Variants in OSBPL2 observed in about 807,000 individuals in gnomAD.
OSBPL2 encodes oxysterol binding protein like 2.
Under a neutral mutation model 58.4 loss-of-function variants are expected in OSBPL2, and 18 were observed. The observed-to-expected ratio is 0.31, with a 90% confidence interval of 0.21 to 0.46. OSBPL2 has a LOEUF of 0.46. Ranked by LOEUF, OSBPL2 falls within the 20% of genes least tolerant of loss-of-function variation. The probability of loss-of-function intolerance (pLI) is 1.00; values close to 1 mark genes in which losing one functional copy is unlikely to be tolerated. For missense variants in OSBPL2, 461 were observed against 616.5 expected, an observed-to-expected ratio of 0.75 and a Z score of 2.67; for synonymous variants, 221 against 234.1, an observed-to-expected ratio of 0.94 and a Z score of 0.51.
At chr20:62,243,436 A>T (rs547339201) in intron 1 of OSBPL2, among the ~76,000 whole-genome samples, 76 of 133,992 alleles carry the variant, frequency 5.7e-4, no homozygotes, top group Non-Finnish European at 1.0e-3. Flanking sequence ...CCTGCCCCGC[A>T]GCCCCTGCCC....
At chr20:62,276,763 G>A (rs1036754305) in intron 6 of OSBPL2, among the ~76,000 whole-genome samples, 5 of 152,164 alleles carry the variant, frequency 3.3e-5, no homozygotes, top group African/African-American at 1.2e-4. Flanking sequence ...GGAAAGACTG[G>A]CCACGAGAAC....
chr20:62,278,510 GTGTGTGTTGCCAACGTTAGGCC>G (rs1982547282), intron 6 of OSBPL2: 2 of 126,504 alleles, frequency 1.6e-5, no homozygotes, highest in Admixed American at 1.7e-4. Flanking sequence ...TCATGTTTAT[GTGTGTGTTGCCAACGTTAGGCC>G]GAGTGCGATG....
chr20:62,252,030 C>G (rs542668654), intron 1 of OSBPL2, among the ~76,000 whole-genome samples: 1 of 151,082 alleles, frequency 6.6e-6, no homozygotes. Context: ...CATAGGTGGG[C>G]GCACCACCAC....
chr20:62,290,250 T>G lies in OSBPL2; in HGVS notation c.1249+920T>G, dbSNP rs180959266. Reference sequence around the variant, plus strand: ...GTTAGTAATGTTTTATTTATTTATGTTTAGAGTCGGGATCTCACTCTGTAG... The same window carrying G: ...GTTAGTAATGTTTTATTTATTTATGGTTAGAGTCGGGATCTCACTCTGTAG... On this transcript the variant is annotated intron_variant, in intron 12 of 13. Coordinates refer to ENST00000313733, the MANE Select transcript of OSBPL2 (RefSeq NM_144498.4). Among the ~76,000 whole-genome samples the G allele has an allele frequency of 5.4e-3, 829 of 152,270 alleles. 7 individuals carry two copies. The highest frequency in any genetic ancestry group is 6.7e-3 in the Non-Finnish European group (455 of 68,018).
At chr20:62,257,457 C>T (rs1453279746) in intron 2 of OSBPL2, among the ~76,000 whole-genome samples, 17 of 152,192 alleles carry the variant, frequency 1.1e-4, no homozygotes, top group Non-Finnish European at 1.5e-4. Flanking sequence ...TTATCTGCAG[C>T]GTGTTTGCCT....
intron 4 of OSBPL2, among the ~76,000 whole-genome samples, chr20:62,265,901 T>A (rs1220944664): frequency 1.3e-5 from 2 of 152,130 alleles, no homozygotes; most frequent in Non-Finnish European, 1.5e-5. Flanking sequence ...AGAGGATTGC[T>A]TGAGGCCAGG....
Position 62,294,050 on chromosome 20 carries a change from A to G in OSBPL2, c.*163A>G, listed in dbSNP as rs992576128. ...AGGATGTAATTCTAATTAACTGTTGATTGCCAAACATTTCACTCTGCTGTG... is the reference window on the plus strand; with the variant it reads ...AGGATGTAATTCTAATTAACTGTTGGTTGCCAAACATTTCACTCTGCTGTG... On this transcript the variant is annotated 3_prime_UTR_variant, in exon 14 of 14. Transcript: ENST00000313733. 4.4e-5 allele frequency: 39 copies of G among 879,024 alleles called. No individual in the cohort carries two copies. Among genetic ancestry groups the G allele is most frequent in the Non-Finnish European group, 4.6e-5 (28 of 602,304 alleles). 54.5% of individuals were successfully genotyped at this position (879,024 alleles called of 1,614,324 possible).
At chr20:62,253,979 G>GT (rs1206787861) in intron 1 of OSBPL2, among the ~76,000 whole-genome samples, 1 of 151,916 alleles carries the variant, frequency 6.6e-6, no homozygotes, top group African/African-American at 2.4e-5. Context: ...AATTTTTTTA[G>GT]TAAAGATGGG....
chr20:62,246,139 C>A (rs1056643250), intron 1 of OSBPL2, among the ~76,000 whole-genome samples: 1 of 152,276 alleles, frequency 6.6e-6, no homozygotes, highest in Non-Finnish European at 1.5e-5. Context: ...TCGCTGCTGC[C>A]GCCGCCTCCA....
intron 4 of OSBPL2, chr20:62,271,788 TGGA>T: frequency 4.0e-6 from 1 of 252,400 alleles, no homozygotes; most frequent in Non-Finnish European, 7.6e-6. Context: ...GGAGAAGATG[TGGA>T]GTAGGGGAGG....
chr20:62,279,788 C>G (rs1982659726), intron 7 of OSBPL2: 1 of 259,130 alleles, frequency 3.9e-6, no homozygotes, highest in South Asian at 1.5e-4. Flanking sequence ...GCGCCTGTGT[C>G]CTGGCTCCCC....
chr20:62,282,839 CAGTT>C (rs1209148987), intron 9 of OSBPL2, among the ~76,000 whole-genome samples: 1 of 152,188 alleles, frequency 6.6e-6, no homozygotes, highest in Admixed American at 6.5e-5. Flanking sequence ...AAAAATAAGA[CAGTT>C]GGTGTTTCTG....
chr20:62,278,953 T>C (rs979091076), intron 6 of OSBPL2: 15 of 554,602 alleles, frequency 2.7e-5, no homozygotes, highest in African/African-American at 2.7e-4. Flanking sequence ...CCAAGTGCGA[T>C]GTCATGTTTG....
chr20:62,244,345 G>T (rs1979946232), intron 1 of OSBPL2, among the ~76,000 whole-genome samples: 1 of 152,240 alleles, frequency 6.6e-6, no homozygotes, highest in Admixed American at 6.5e-5. Context: ...GGGGCCGTTG[G>T]TTTTGATCAT....
rs1192152008 is a variant in OSBPL2 at position 62,256,164 on chromosome 20, G to C, written c.-21G>C. 3 of 1,613,516 alleles carry C rather than the reference G, an allele frequency of 1.9e-6. No individual in the cohort carries two copies. The highest frequency in any genetic ancestry group is 2.5e-6 in the Non-Finnish European group (3 of 1,179,652). On this transcript the variant is annotated 5_prime_UTR_variant, in exon 2 of 14. Coordinates refer to ENST00000313733, the MANE Select transcript of OSBPL2 (RefSeq NM_144498.4). ...AGTAGAAGAGCACATGTCAGGGGCA[G>C]TGGAGGCTGGCTGCTGAAGGATGAA...
chr20:62,243,450 AGCGCCTGCCCCG>A (rs1979874095), intron 1 of OSBPL2, among the ~76,000 whole-genome samples: 2 of 57,942 alleles, frequency 3.5e-5, no homozygotes, highest in African/African-American at 7.6e-5. Context: ...CCTGCCCCGC[AGCGCCTGCCCCG>A]CAGCGCCTGC....
intron 4 of OSBPL2, chr20:62,271,795 GGGGAGGGGGCGC>G: frequency 3.6e-6 from 1 of 275,708 alleles, no homozygotes; most frequent in Non-Finnish European, 6.9e-6. Context: ...ATGTGGAGTA[GGGGAGGGGGCGC>G]AGGTGGGCCC....
chr20:62,265,382 G>T (rs1437450382), intron 4 of OSBPL2, among the ~76,000 whole-genome samples: 1 of 152,074 alleles, frequency 6.6e-6, no homozygotes, highest in Non-Finnish European at 1.5e-5. Flanking sequence ...TTCTAGGTTG[G>T]TTTCCCCCTT....
chr20:62,247,183 T>C (rs2145915607), intron 1 of OSBPL2, among the ~76,000 whole-genome samples: 1 of 152,368 alleles, frequency 6.6e-6, no homozygotes, highest in East Asian at 1.9e-4. Flanking sequence ...TGCACGATGC[T>C]GCACCGGGAA....
Sources: gnomAD v4.1 joint callset for allele counts (sites outside exome capture counted in the v4.1 genomes callset) on GRCh38, gnomAD v4.1.1 for gene constraint, MANE v1.5 for transcripts, NCBI Gene and HGNC (gene_info 2026-07-23, HGNC 2026-07-21) for gene names.